The following TMPRSS6 variants were observed in gnomAD, a reference collection of about 807,000 sequenced individuals.
TMPRSS6 encodes transmembrane serine protease 6.
In TMPRSS6, 67 loss-of-function variants were observed where a neutral mutation model predicts 101.5. The ratio of observed to expected loss-of-function variants is 0.66; its 90% confidence interval spans 0.54 to 0.81. The LOEUF (loss-of-function observed/expected upper bound fraction) is 0.81, where lower values mean the gene tolerates loss of function less well. Among genes scored for constraint, TMPRSS6 ranks in the 30% least tolerant of loss-of-function variants. TMPRSS6 has a pLI of 0.00. For missense variants in TMPRSS6, 1,034 were observed against 1,088.7 expected (o/e 0.95, Z 0.71); for synonymous variants, 453 against 464.9 (o/e 0.97, Z 0.33).
intron 4 of TMPRSS6, 59 bp downstream of exon 4, chr22:37,096,589 C>T (rs1052062756): frequency 6.5e-7 from 1 of 1,528,558 alleles, no homozygotes; most frequent in East Asian, 2.4e-5. Context: ...ACAGAGGCCC[C>T]TCCCATTCTT....
At chr22:37,083,108 A>G (rs944135482) in intron 10 of TMPRSS6, 1 of 470,728 alleles carries the variant, frequency 2.1e-6, no homozygotes, top group Non-Finnish European at 4.4e-6. Flanking sequence ...AGAAATGACA[A>G]ATCTTTCATA....
intron 1 of TMPRSS6, among the ~76,000 whole-genome samples, chr22:37,107,539 G>T (rs925491416): frequency 7.0e-6 from 1 of 143,486 alleles, no homozygotes; most frequent in African/African-American, 2.6e-5. Context: ...CTGTCACCTC[G>T]ACTCCTGCAA....
upstream of TMPRSS6, among the ~76,000 whole-genome samples, chr22:37,109,991 G>A (rs1028003494): frequency 3.9e-5 from 6 of 152,228 alleles, no homozygotes; most frequent in African/African-American, 9.6e-5. Context: ...CTGGACAGGC[G>A]AGACTAAAGG....
intron 1 of TMPRSS6, among the ~76,000 whole-genome samples, chr22:37,105,174 G>A (rs780532111): frequency 1.3e-5 from 2 of 152,044 alleles, no homozygotes; most frequent in Non-Finnish European, 1.5e-5. Flanking sequence ...CCCAGCTAAG[G>A]GTCTTTGGTG....
chr22:37,100,864 C>T (rs1930258311), intron 2 of TMPRSS6, among the ~76,000 whole-genome samples: 1 of 152,208 alleles, frequency 6.6e-6, no homozygotes. Flanking sequence ...AAAAAGCAAC[C>T]TGCTGAGCGG....
At chr22:37,092,856 C>A (rs981636697) in intron 6 of TMPRSS6, among the ~76,000 whole-genome samples, 39 of 152,202 alleles carry the variant, frequency 2.6e-4, no homozygotes, top group Admixed American at 2.0e-3. Context: ...CAGGAGCAAC[C>A]CCTCCCTCCT....
At chr22:37,067,008 C>T (rs368720936) in intron 16 of TMPRSS6, 46 bp from the exon 17 acceptor site, 1 of 1,613,122 alleles carries the variant, frequency 6.2e-7, no homozygotes, top group African/African-American at 1.3e-5. Flanking sequence ...AGCCTGGAGC[C>T]CCTGTTCTCT....
intron 12 of TMPRSS6, 37 bp downstream of exon 12, chr22:37,074,573 G>A: frequency 6.3e-7 from 1 of 1,587,500 alleles, no homozygotes; most frequent in Non-Finnish European, 8.6e-7. Flanking sequence ...AGAAGGGATG[G>A]GCAGGGAGAG....
At chr22:37,080,945 T>C (rs1569007984) in intron 10 of TMPRSS6, among the ~76,000 whole-genome samples, 1 of 152,236 alleles carries the variant, frequency 6.6e-6, no homozygotes, top group South Asian at 2.1e-4. Context: ...TGCACAGACA[T>C]GCATGGATGT....
intron 6 of TMPRSS6, among the ~76,000 whole-genome samples, chr22:37,093,236 A>G (rs141650201): frequency 6.6e-6 from 1 of 152,248 alleles, no homozygotes; most frequent in Non-Finnish European, 1.5e-5. Context: ...CATGAAACGA[A>G]CACCCACTGA....
At position 37,070,733 on chromosome 22, in the gene TMPRSS6, G is replaced by C. The variant is rs533393047; in HGVS notation, c.1673-81C>G. On this transcript the variant is annotated intron_variant, in intron 14 of 17. Transcript: ENST00000676104. ...AGACAGAGAGGAAGGGCAAAGGAAA[G>C]AGATGGAGAGACAGAGAACAGGAGA... is the stretch of plus-strand genomic sequence containing the variant. The C allele has an allele frequency of 2.6e-5, 39 of 1,480,892 alleles. No individual in the cohort carries two copies. In the African/African-American group the frequency reaches 5.2e-4, roughly 20 times the overall value. The allele number at this position is 1,480,892 out of a possible 1,614,324, so 91.7% of individuals were successfully genotyped here. A position where few individuals can be genotyped will look rare whatever the true frequency, so the allele number is the denominator to read the frequency against.
intron 10 of TMPRSS6, among the ~76,000 whole-genome samples, chr22:37,075,558 G>A: frequency 6.6e-6 from 1 of 152,192 alleles, no homozygotes; most frequent in Non-Finnish European, 1.5e-5. Flanking sequence ...GAACTGTGAG[G>A]TTCTAGCAAG....
chr22:37,103,999 G>A lies in TMPRSS6; in HGVS notation c.-1-581C>T, dbSNP rs1020489447. Among the ~76,000 whole-genome samples the A allele has an allele frequency of 2.1e-4, 32 of 152,158 alleles. No homozygotes were observed. Among genetic ancestry groups the A allele is most frequent in the Non-Finnish European group, 4.1e-4 (28 of 68,040 alleles). ...ACCTTTCTGCTCTCAAAGTCTTGTGGCAGAGGAAGGGAACAAAAACTAATA... is the reference window on the plus strand; with the variant it reads ...ACCTTTCTGCTCTCAAAGTCTTGTGACAGAGGAAGGGAACAAAAACTAATA... On this transcript the variant is annotated intron_variant, in intron 1 of 17. Coordinates refer to ENST00000676104, the MANE Select transcript of TMPRSS6 (RefSeq NM_001374504.1). This position sits in a 1 kb window ranked among gnomAD's most constrained non-coding sequence, Gnocchi z 4.4.
intron 1 of TMPRSS6, among the ~76,000 whole-genome samples, chr22:37,106,075 T>C (rs1030285941): frequency 3.9e-5 from 6 of 152,174 alleles, no homozygotes; most frequent in African/African-American, 1.4e-4. Context: ...TTGCTTTATG[T>C]GCACTTTCTC....
chr22:37,079,840 A>G (rs1928121066), intron 10 of TMPRSS6, among the ~76,000 whole-genome samples: 2 of 152,266 alleles, frequency 1.3e-5, no homozygotes, highest in South Asian at 4.1e-4. Context: ...CGGCCAGCCC[A>G]GCTCAGGTCA....
chr22:37,077,549 C>A (rs959902054), intron 10 of TMPRSS6, among the ~76,000 whole-genome samples: 1 of 152,176 alleles, frequency 6.6e-6, no homozygotes, highest in Non-Finnish European at 1.5e-5. Flanking sequence ...AGGTGACAGG[C>A]GAGTTTTCCA....
In TMPRSS6 at chr22:37,065,688, T is replaced by C. The variant is rs1926206293; in HGVS notation, c.*392A>G. On this transcript the variant is annotated 3_prime_UTR_variant, in exon 18 of 18. Coordinates refer to ENST00000676104, the MANE Select transcript of TMPRSS6 (RefSeq NM_001374504.1). ...GCTTCCGAAGCTGGAATCTGCTCTC[T>C]GGAGGCAAGGCTGCCCAAACAGCCT... 9.6e-6 allele frequency: 2 copies of C among 208,190 alleles called. No individual in the cohort carries two copies. Among genetic ancestry groups the C allele is most frequent in the South Asian group, 1.9e-4 (2 of 10,582 alleles). 12.9% of individuals were successfully genotyped at this position (208,190 alleles called of 1,614,324 possible). A position where few individuals can be genotyped will look rare whatever the true frequency, so the allele number is the denominator to read the frequency against.
chr22:37,072,549 A>ATGG (rs1927137935), intron 13 of TMPRSS6, among the ~76,000 whole-genome samples: 1 of 80,068 alleles, frequency 1.2e-5, no homozygotes, highest in Non-Finnish European at 2.5e-5. Context: ...ATGATGGATG[A>ATGG]ATGGATGGAT....
At chr22:37,070,322 G>A (rs1246237155) in intron 15 of TMPRSS6, among the ~76,000 whole-genome samples, 162 bp downstream of exon 15, 1 of 152,192 alleles carries the variant, frequency 6.6e-6, no homozygotes, top group African/African-American at 2.4e-5. Flanking sequence ...GGACCCAGAA[G>A]GTCCTGGTGG....
Sources: allele counts gnomAD v4.1 joint callset (sites outside exome capture counted in the v4.1 genomes callset), GRCh38; gene constraint gnomAD v4.1.1; non-coding constraint Gnocchi (gnomAD v3.1); transcripts MANE v1.5; gene names NCBI Gene and HGNC (gene_info 2026-07-23, HGNC 2026-07-21).